Variants in NKAIN2 observed in about 807,000 individuals in gnomAD.
The protein encoded by NKAIN2 is sodium/potassium-transporting ATPase subunit beta-1-interacting protein 2.
A neutral mutation model predicts 32.6 loss-of-function variants in NKAIN2; 14 were observed. That is an observed-to-expected ratio of 0.43 (90% CI 0.28 to 0.67). NKAIN2 has a LOEUF of 0.67. NKAIN2 is among the 30% of genes least tolerant of loss of function. The probability of loss-of-function intolerance (pLI) is 0.17; values close to 1 mark genes in which losing one functional copy is unlikely to be tolerated. For missense variants in NKAIN2, 198 were observed against 258.3 expected (o/e 0.77, Z 1.60); for synonymous variants, 80 against 87.2 (o/e 0.92, Z 0.46).
At chr6:124,580,892 T>C (rs189453287) in intron 3 of NKAIN2, among the ~76,000 whole-genome samples, 35 of 152,064 alleles carry the variant, frequency 2.3e-4, no homozygotes, top group Non-Finnish European at 4.1e-4. Context: ...GAAATAGCTA[T>C]ACTTAGACGA....
intron 1 of NKAIN2, among the ~76,000 whole-genome samples, chr6:123,971,124 G>A (rs2114636497): frequency 6.6e-6 from 1 of 151,954 alleles, no homozygotes; most frequent in Non-Finnish European, 1.5e-5. Context: ...TCTGACTGGG[G>A]CCAGAGATAG....
chr6:124,112,240 A>G (rs1469312792), intron 1 of NKAIN2, among the ~76,000 whole-genome samples: 1 of 152,192 alleles, frequency 6.6e-6, no homozygotes, highest in East Asian at 1.9e-4. Flanking sequence ...CTTGTAAGGC[A>G]GGTCCGGTGT....
intron 3 of NKAIN2, among the ~76,000 whole-genome samples, chr6:124,485,178 C>G (rs921211911): frequency 6.6e-6 from 1 of 152,146 alleles, no homozygotes; most frequent in African/African-American, 2.4e-5. Flanking sequence ...GGACCAGCAG[C>G]AGCATCACTT....
At chr6:124,388,623 C>T (rs1773014373) in intron 3 of NKAIN2, among the ~76,000 whole-genome samples, 1 of 149,584 alleles carries the variant, frequency 6.7e-6, no homozygotes. Context: ...TCTATATTTT[C>T]AAATTTACTT....
At chr6:124,222,140 G>GA (rs1211065525) in intron 1 of NKAIN2, among the ~76,000 whole-genome samples, 1 of 152,112 alleles carries the variant, frequency 6.6e-6, no homozygotes, top group African/African-American at 2.4e-5. Flanking sequence ...AAACCTGATA[G>GA]AAAATCTGTG....
intron 4 of NKAIN2, among the ~76,000 whole-genome samples, chr6:124,709,013 G>A (rs9375356): frequency 0.35 from 40,977 of 118,312 alleles, 7,913 homozygotes; most frequent in Middle Eastern, 0.37. Context: ...GATACGTCCC[G>A]TCAATACCTA....
chr6:124,742,041 CTA>C (rs1777236770), intron 4 of NKAIN2, among the ~76,000 whole-genome samples: 1 of 151,802 alleles, frequency 6.6e-6, no homozygotes, highest in Non-Finnish European at 1.5e-5. Context: ...TCCATCAACT[CTA>C]TGTTTCTCAT....
chr6:124,409,205 C>T (rs904706005), intron 3 of NKAIN2, among the ~76,000 whole-genome samples: 1 of 152,124 alleles, frequency 6.6e-6, no homozygotes, highest in Admixed American at 6.5e-5. Context: ...TGCCTGATTG[C>T]CCTGGCCAGA....
chr6:124,381,276 C>T (rs1383804041), intron 3 of NKAIN2, among the ~76,000 whole-genome samples: 1 of 151,980 alleles, frequency 6.6e-6, no homozygotes, highest in East Asian at 1.9e-4. Flanking sequence ...AGAGTTATTA[C>T]TACTTTTAAA....
At chr6:124,618,071 C>G (rs1424430051) in intron 3 of NKAIN2, among the ~76,000 whole-genome samples, 1 of 152,158 alleles carries the variant, frequency 6.6e-6, no homozygotes, top group Non-Finnish European at 1.5e-5. Context: ...AATTTCTGTG[C>G]AAATTTATAA....
intron 1 of NKAIN2, among the ~76,000 whole-genome samples, chr6:124,195,116 T>C (rs994169187): frequency 4.0e-5 from 6 of 151,712 alleles, no homozygotes; most frequent in African/African-American, 1.4e-4. Context: ...TTAATCATAA[T>C]AAGTATTTTT....
Position 124,297,082 on chromosome 6 carries a change from G to C in NKAIN2, c.192+13940G>C, listed in dbSNP as rs76651218. ...TACAACGATTAAAACCAGATAATAA[G>C]AATTACCATGATGACTAGTATGTCA... On this transcript the variant is annotated intron_variant, in intron 2 of 6. Coordinates refer to ENST00000368417, the MANE Select transcript of NKAIN2 (RefSeq NM_001040214.3). Among the ~76,000 whole-genome samples the C allele has an allele frequency of 1.1e-3, 172 of 152,178 alleles. 2 individuals are homozygous for C. In the East Asian group the frequency reaches 0.024, roughly 21 times the overall value.
Position 124,472,019 on chromosome 6 carries a change from C to A in NKAIN2, c.273+116672C>A, listed in dbSNP as rs1290726545. On this transcript the variant is annotated intron_variant, in intron 3 of 6. Coordinates refer to ENST00000368417, the MANE Select transcript of NKAIN2 (RefSeq NM_001040214.3). ...GAGTGGAATGATCAGTAGACAACAA[C>A]AAGGATCCCCAATTTCTTTTCATCA... is the stretch of plus-strand genomic sequence containing the variant. Among the ~76,000 whole-genome samples the A allele has an allele frequency of 2.2e-5, 3 of 138,394 alleles. No individual in the cohort carries two copies. In the Admixed American group the frequency reaches 2.2e-4, roughly 10 times the overall value. The allele number at this position is 138,394 out of a possible 152,430, so 90.8% of individuals were successfully genotyped here.
At chr6:124,226,649 G>A (rs1444240014) in intron 1 of NKAIN2, among the ~76,000 whole-genome samples, 1 of 151,822 alleles carries the variant, frequency 6.6e-6, no homozygotes, top group Admixed American at 6.6e-5. Context: ...TGACTTGGAA[G>A]TGCTCCCACA....
chr6:124,537,948 A>T (rs1487327760), intron 3 of NKAIN2, among the ~76,000 whole-genome samples: 1 of 152,072 alleles, frequency 6.6e-6, no homozygotes, highest in African/African-American at 2.4e-5. Flanking sequence ...TTTTCATGTA[A>T]TTTTGTTTTT....
intron 3 of NKAIN2, among the ~76,000 whole-genome samples, chr6:124,545,453 TA>T (rs1746921659): frequency 6.6e-6 from 1 of 152,124 alleles, no homozygotes; most frequent in Admixed American, 6.6e-5. Flanking sequence ...GTAACATAGC[TA>T]GTTTATATTA....
At chr6:124,674,003 G>T (rs9388353) in intron 4 of NKAIN2, among the ~76,000 whole-genome samples, 58,570 of 151,698 alleles carry the variant, frequency 0.39, 11,450 homozygotes, top group African/African-American at 0.45. Context: ...GAGTTTTACA[G>T]CTTCTTAAGC....
chr6:124,422,974 C>T (rs958701092), intron 3 of NKAIN2, among the ~76,000 whole-genome samples: 1 of 152,104 alleles, frequency 6.6e-6, no homozygotes, highest in African/African-American at 2.4e-5. Context: ...AAAATAAGAA[C>T]TAATTCCCGA....
chr6:124,426,887 T>C (rs1775004759), intron 3 of NKAIN2, among the ~76,000 whole-genome samples: 1 of 152,174 alleles, frequency 6.6e-6, no homozygotes. Flanking sequence ...CTCTCTTCTC[T>C]TCTCTGCTGC....
Sources: gnomAD v4.1 joint callset for allele counts (sites outside exome capture counted in the v4.1 genomes callset) on GRCh38, gnomAD v4.1.1 for gene constraint, MANE v1.5 for transcripts, NCBI Gene and HGNC (gene_info 2026-07-23, HGNC 2026-07-21) for gene names.